ZNF462: variants seen among roughly 807,000 people sequenced by gnomAD.
ZNF462 encodes the protein zinc finger protein 462.
Under a neutral mutation model 201.9 loss-of-function variants are expected in ZNF462, and 10 were observed. That is an observed-to-expected ratio of 0.05 (90% CI 0.03 to 0.08). ZNF462 has a LOEUF of 0.08. ZNF462 is among the 10% of genes least tolerant of loss of function. ZNF462 has a pLI of 1.00. For synonymous variants in ZNF462, 1,227 were observed against 1,193.3 expected (o/e 1.03, Z -0.58); for missense variants, 2,523 against 3,168.3 (o/e 0.80, Z 4.89).
Position 106,953,644 on chromosome 9 carries a change from A to ACT in ZNF462, c.6427+14550_6427+14551dup, listed in dbSNP as rs139423235. ...GGTTCTCGTCCTCAGTTCTCTTTGC[A>ACT]CTCTCTCTCTCTCTTTACAGATATA... On this transcript the variant is annotated intron_variant, in intron 7 of 12. Transcript: ENST00000277225. Among the ~76,000 whole-genome samples, 159 of 150,068 alleles carry ACT rather than the reference A, an allele frequency of 1.1e-3. 1 individual carries two copies. Among genetic ancestry groups the ACT allele is most frequent in the African/African-American group, 3.6e-3 (147 of 40,730 alleles).
chr9:106,892,696 A>G (rs1828636072), intron 1 of ZNF462, among the ~76,000 whole-genome samples: 1 of 128,122 alleles, frequency 7.8e-6, no homozygotes, highest in Non-Finnish European at 1.6e-5. Context: ...ACACATGCAC[A>G]CACACACGCA....
At chr9:106,921,160 G>C (rs1052874359) in intron 1 of ZNF462, among the ~76,000 whole-genome samples, 1 of 152,086 alleles carries the variant, frequency 6.6e-6, no homozygotes, top group Non-Finnish European at 1.5e-5. Context: ...AAGAAGCCAA[G>C]GCATTCTGGA....
At chr9:106,863,021 G>A (rs1827121774), upstream of ZNF462, 1 of 377,556 alleles carries the variant, frequency 2.6e-6, no homozygotes, top group Non-Finnish European at 4.7e-6. Flanking sequence ...CAGAGGGAGG[G>A]AGAGAGAGAG....
Position 106,924,255 on chromosome 9 carries a change from C to T in ZNF462, c.343C>T (p.Arg115Cys), listed in dbSNP as rs1393508474. The T allele has an allele frequency of 6.2e-6, 10 of 1,614,104 alleles. No individual in the cohort carries two copies. The Admixed American group carries it at 1.0e-4, about 16-fold the overall frequency. Residue 115 changes from arginine (R) to cysteine (C), a missense_variant, in exon 3 of 13, where the codon CGC (arginine) becomes TGC (cysteine). By Grantham distance (180) the Arg-to-Cys change is radical (BLOSUM62 -3). Around this residue, in one of 15 missense-constraint regions of ZNF462, gnomAD observed 480 missense variants for 544.4 expected, o/e 0.88. Transcript: ENST00000277225. This position sits in a 1 kb window ranked among gnomAD's most constrained non-coding sequence, Gnocchi z 6.2. The stretch of plus-strand genomic sequence containing the variant: ...GTTTTTTCAATGCAAGTTCTGTGTA[C>T]GCTACTTCAGGTCAAAAAACCTCCT... Reference protein sequence around the residue: ...NKFFQCKFCVRYFRSKNLLIE... With the variant: ...NKFFQCKFCVCYFRSKNLLIE...
rs1831882391 is a variant in ZNF462, at chr9:106,962,384, A to G, written c.6428-9621A>G. ...AATGGTGATGTCATTGACAAAAAAT[A>G]TAGAAAGACAAATGAATATGTTCCC... On this transcript the variant is annotated intron_variant, in intron 7 of 12. Coordinates refer to ENST00000277225, the MANE Select transcript of ZNF462 (RefSeq NM_021224.6). The surrounding 1 kb of genome is among the most constrained non-coding windows in gnomAD (Gnocchi z 4.6). 2.0e-5 allele frequency among the ~76,000 whole-genome samples: 3 copies of G among 152,086 alleles called. No individual in the cohort carries two copies. The highest frequency in any genetic ancestry group is 2.0e-4 in the Admixed American group (3 of 15,258).
At chr9:106,907,401 TTGAC>T (rs1829316505) in intron 1 of ZNF462, among the ~76,000 whole-genome samples, 1 of 152,036 alleles carries the variant, frequency 6.6e-6, no homozygotes, top group East Asian at 1.9e-4. Flanking sequence ...GGTTGGCTAT[TTGAC>T]TGTTTGCTAG....
chr9:106,996,224 A>G (rs542357975), intron 10 of ZNF462, among the ~76,000 whole-genome samples: 110 of 152,292 alleles, frequency 7.2e-4, no homozygotes, highest in Middle Eastern at 3.4e-3. Context: ...ATTGATGGAC[A>G]TTTGGGTTGG....
At position 106,913,271 on chromosome 9, in the gene ZNF462, G is replaced by GT. The variant is rs1197999067; in HGVS notation, c.-30-10079dup. On this transcript the variant is annotated intron_variant, in intron 1 of 12. Coordinates refer to ENST00000277225, the MANE Select transcript of ZNF462 (RefSeq NM_021224.6). The surrounding 1 kb of genome is among the most constrained non-coding windows in gnomAD (Gnocchi z 4.1). ...GCTTCATTAGCTTCATAAGCACTAG[G>GT]TTTTGCTTTGTTTTTCTGTTCATGG... Among the ~76,000 whole-genome samples, 5 of 152,138 alleles carry GT rather than the reference G, an allele frequency of 3.3e-5. No individual in the cohort carries two copies. The highest frequency in any genetic ancestry group is 7.4e-5 in the Non-Finnish European group (5 of 68,018).
chr9:106,932,605 G>A lies in ZNF462; in HGVS notation c.6116+56G>A. On this transcript the variant is annotated intron_variant, in intron 5 of 12. Coordinates refer to ENST00000277225, the MANE Select transcript of ZNF462 (RefSeq NM_021224.6). This position sits in a 1 kb window ranked among gnomAD's most constrained non-coding sequence, Gnocchi z 6.8. ...ACTGGGAGATGATGTCATAGTGGAA[G>A]GCACTAAGCTAAAGCAGAAGCTTGG... 1 of 1,611,230 alleles carries A rather than the reference G, an allele frequency of 6.2e-7. No individual in the cohort carries two copies. Among genetic ancestry groups the A allele is most frequent in the Non-Finnish European group, 8.5e-7 (1 of 1,177,954 alleles).
intron 1 of ZNF462, among the ~76,000 whole-genome samples, chr9:106,894,736 G>C (rs1281808725): frequency 1.3e-5 from 2 of 152,182 alleles, no homozygotes; most frequent in Admixed American, 6.5e-5. Context: ...AACAGTGCCT[G>C]ATCCAAATGG....
chr9:106,953,530 G>C (rs1031860432), intron 7 of ZNF462, among the ~76,000 whole-genome samples: 7 of 152,132 alleles, frequency 4.6e-5, no homozygotes, highest in Non-Finnish European at 7.4e-5. Context: ...GTCTTGCTAT[G>C]TGTTTCAGGC....
intron 7 of ZNF462, among the ~76,000 whole-genome samples, chr9:106,967,340 TA>T (rs1424012631): frequency 6.6e-6 from 1 of 152,142 alleles, no homozygotes; most frequent in Non-Finnish European, 1.5e-5. Flanking sequence ...GAACTGTGAA[TA>T]CTCAAGAAAG....
rs757833841 is a variant in ZNF462, at chr9:106,927,845, C to T, written c.3933C>T (p.Gly1311=). 18 of 1,614,082 alleles carry T rather than the reference C, an allele frequency of 1.1e-5. No individual in the cohort carries two copies. The highest frequency in any genetic ancestry group is 1.5e-5 in the Non-Finnish European group (18 of 1,180,058). The stretch of plus-strand genomic sequence containing the variant: ...TTCTAGATGGCTTGATAGAAGCTGG[C>T]TACCACTGCGAGTGGTGCATCTACT... ...WAFLDGLIEA[G]YHCEWCIYSH... Residue 1311 remains glycine, a synonymous_variant, in exon 3 of 13, where the codon GGC becomes GGT. Transcript: ENST00000277225.
chr9:106,974,106 G>C lies in ZNF462; in HGVS notation c.6696-31G>C. ...AAAATGCAATGATCCCTGGTTACACGCATCACCTCTCCTCCCAAACTCTCT... is the reference window on the plus strand; with the variant it reads ...AAAATGCAATGATCCCTGGTTACACCCATCACCTCTCCTCCCAAACTCTCT... On this transcript the variant is annotated intron_variant, in intron 8 of 12. Transcript: ENST00000277225. This position sits in a 1 kb window ranked among gnomAD's most constrained non-coding sequence, Gnocchi z 4.0. 6.2e-7 allele frequency: 1 copy of C among 1,613,296 alleles called. No individual in the cohort carries two copies. Among genetic ancestry groups the C allele is most frequent in the South Asian group, 1.1e-5 (1 of 91,012 alleles).
At chr9:106,860,159 G>A (rs1370952433), upstream of ZNF462, among the ~76,000 whole-genome samples, 1 of 152,146 alleles carries the variant, frequency 6.6e-6, no homozygotes, top group African/African-American at 2.4e-5. This position sits in a 1 kb window ranked among gnomAD's most constrained non-coding sequence, Gnocchi z 7.1. Flanking sequence ...CGGGAGGGTG[G>A]AGCCAAGTCC....
At chr9:106,955,679 A>G (rs1223379631) in intron 7 of ZNF462, among the ~76,000 whole-genome samples, 1 of 152,204 alleles carries the variant, frequency 6.6e-6, no homozygotes, top group Non-Finnish European at 1.5e-5. Context: ...ATTAGAGTCA[A>G]TATTCTCAAA....
intron 7 of ZNF462, 69 bp downstream of exon 7, chr9:106,939,176 A>AT (rs1054031994): frequency 6.3e-5 from 87 of 1,382,248 alleles, no homozygotes; most frequent in South Asian, 1.7e-4. Context: ...ATTGCCAATC[A>AT]TTTTTTTTAG....
Position 106,932,216 on chromosome 9 carries a change from A to T in ZNF462, c.6013-230A>T, listed in dbSNP as rs1469275594. The T allele has an allele frequency of 1.3e-6, 2 of 1,545,198 alleles. No individual in the cohort carries two copies. The highest frequency in any genetic ancestry group is 2.7e-5 in the African/African-American group (2 of 72,856). ...AGAAAGCTGGAGGCAATGATGATGG[A>T]TATTTATTTTGTTGGTGGGGCATGT... On this transcript the variant is annotated intron_variant, in intron 4 of 12. Coordinates refer to ENST00000277225, the MANE Select transcript of ZNF462 (RefSeq NM_021224.6). The surrounding 1 kb of genome is among the most constrained non-coding windows in gnomAD (Gnocchi z 6.8).
intron 9 of ZNF462, among the ~76,000 whole-genome samples, chr9:106,979,761 T>G (rs1290358715): frequency 2.6e-5 from 4 of 152,200 alleles, no homozygotes; most frequent in Admixed American, 2.6e-4. Flanking sequence ...GCTTTGCCCA[T>G]GTATATGTAT....
Sources: gnomAD v4.1 joint callset for allele counts (sites outside exome capture counted in the v4.1 genomes callset) on GRCh38, gnomAD v4.1.1 for gene constraint, gnomAD v4.1.1 regional missense constraint, Gnocchi (gnomAD v3.1) non-coding constraint, MANE v1.5 for transcripts, NCBI Gene and HGNC (gene_info 2026-07-23, HGNC 2026-07-21) for gene names.